YARS2: variants seen among roughly 807,000 people sequenced by gnomAD.
YARS2 encodes the protein tyrosyl-tRNA synthetase 2.
Under a neutral mutation model 45.0 loss-of-function variants are expected in YARS2, and 38 were observed. The observed-to-expected ratio is 0.84, with a 90% CI of 0.65 to 1.11. The LOEUF is 1.11. YARS2 is among the 50% of genes least tolerant of loss of function. YARS2 has a pLI of 0.00. For synonymous variants in YARS2, 287 were observed against 245.1 expected, an observed-to-expected ratio of 1.17 and a Z score of -1.60; for missense variants, 602 against 599.8, an observed-to-expected ratio of 1.00 and a Z score of -0.04.
Position 32,755,814 on chromosome 12 carries a change from A to C in YARS2, c.61T>G (p.Ser21Ala). The C allele has an allele frequency of 6.2e-7, 1 of 1,613,628 alleles. No homozygotes were observed. The highest frequency in any genetic ancestry group is 8.5e-7 in the Non-Finnish European group (1 of 1,180,016). The change falls in exon 1 of 5, where the codon TCA (serine) becomes GCA (alanine). Residue 21 changes from serine to alanine, a missense_variant. Ser to Ala is a moderately conservative substitution (Grantham distance 99). Transcript: ENST00000324868. Reference sequence around the variant, plus strand: ...CGCAGCCCCAAGGGCAACAATACTGAGAGATTTAGGGTACCAGACCACCGG... The same window carrying C: ...CGCAGCCCCAAGGGCAACAATACTGCGAGATTTAGGGTACCAGACCACCGG... Reference protein sequence around the residue: ...WGRWSGTLNLSVLLPLGLRKA... With the variant: ...WGRWSGTLNLAVLLPLGLRKA...
Position 32,755,659 on chromosome 12 carries a change from A to G in YARS2, c.216T>C (p.Phe72=). 1 of 1,614,228 alleles carries G rather than the reference A, an allele frequency of 6.2e-7. No individual in the cohort carries two copies. Among genetic ancestry groups the G allele is most frequent in the East Asian group, 2.2e-5 (1 of 44,872 alleles). The change falls in exon 1 of 5, where the codon TTT becomes TTC. Residue 72 remains phenylalanine (F), a synonymous_variant. Transcript: ENST00000324868. ...CGAAGCCACAGTAAATGGTTTGGGG[A>G]AAACTCGCCGTGCCACGGTCGAAGA... ...PELFDRGTAS[F]PQTIYCGFDP... is the part of the protein sequence containing the mutation.
At position 32,750,212 on chromosome 12, in the gene YARS2, T is replaced by A. The variant is rs190866316; in HGVS notation, c.1104-105A>T. The A allele has an allele frequency of 7.0e-5, 100 of 1,434,694 alleles. No individual in the cohort carries two copies. In the African/African-American group the frequency reaches 1.3e-3, roughly 19 times the overall value. 88.9% of individuals were successfully genotyped at this position (1,434,694 alleles called of 1,614,324 possible). ...AGTGTCCAAGTTCTAGACTAAAAGTTTTTTTTTGAGATGGAGTCTCGCTCT... is the reference window on the plus strand; with the variant it reads ...AGTGTCCAAGTTCTAGACTAAAAGTATTTTTTTGAGATGGAGTCTCGCTCT... On this transcript the variant is annotated intron_variant, in intron 3 of 4. Coordinates refer to ENST00000324868, the MANE Select transcript of YARS2 (RefSeq NM_001040436.3).
chr12:32,750,659 T>G (rs1955725987), intron 3 of YARS2, 60 bp downstream of exon 3: 1 of 1,602,650 alleles, frequency 6.2e-7, no homozygotes, highest in Non-Finnish European at 8.5e-7. Flanking sequence ...TACTCCTACT[T>G]TTCTCATGTC....
At chr12:32,752,081 CTA>C (rs879370416) in intron 2 of YARS2, among the ~76,000 whole-genome samples, 1 of 152,238 alleles carries the variant, frequency 6.6e-6, no homozygotes, top group South Asian at 2.1e-4. Flanking sequence ...GCTATGCTAT[CTA>C]TGTTTGTGCA....
chr12:32,746,956 G>C lies in YARS2; in HGVS notation c.*248C>G, dbSNP rs1015284114. On this transcript the variant is annotated 3_prime_UTR_variant, in exon 5 of 5. Transcript: ENST00000324868. ...CTTCTGAAGTATAATTTTAAAAAGA[G>C]ATTAACCCTGAAAATCATGGTTTTC... 4.5e-6 allele frequency: 2 copies of C among 448,024 alleles called. No homozygotes were observed. The highest frequency in any genetic ancestry group is 4.0e-5 in the African/African-American group (2 of 50,370). 27.8% of individuals were successfully genotyped at this position (448,024 alleles called of 1,614,324 possible).
intron 4 of YARS2, among the ~76,000 whole-genome samples, chr12:32,749,110 C>CTCATA (rs1490332008): frequency 3.1e-4 from 47 of 152,278 alleles, no homozygotes; most frequent in African/African-American, 1.1e-3. Flanking sequence ...AGTCTTATGA[C>CTCATA]GTTAGTAGGT....
chr12:32,747,034 A>G lies in YARS2; in HGVS notation c.*170T>C. On this transcript the variant is annotated 3_prime_UTR_variant, in exon 5 of 5. Coordinates refer to ENST00000324868, the MANE Select transcript of YARS2 (RefSeq NM_001040436.3). ...AAATAAAACATCCCATTATTAAACA[A>G]ATATTTATTAACCGGCCCATAAAAA... 1.6e-6 allele frequency: 1 copy of G among 628,238 alleles called. No individual in the cohort carries two copies. Among genetic ancestry groups the G allele is most frequent in the Non-Finnish European group, 2.7e-6 (1 of 366,824 alleles). 38.9% of individuals were successfully genotyped at this position (628,238 alleles called of 1,614,324 possible). A position where few individuals can be genotyped will look rare whatever the true frequency, so the allele number is the denominator to read the frequency against.
chr12:32,750,116 C>T lies in YARS2; in HGVS notation c.1104-9G>A. The stretch of plus-strand genomic sequence containing the variant: ...AAAGGGCTTGTGTACACCTGAAAAA[C>T]ACATTTTAAGAGCTACATCATATAA... On this transcript the variant is annotated splice_polypyrimidine_tract_variant and intron_variant, in intron 3 of 4. Coordinates refer to ENST00000324868, the MANE Select transcript of YARS2 (RefSeq NM_001040436.3). 2 of 1,613,924 alleles carry T rather than the reference C, an allele frequency of 1.2e-6. No homozygotes were observed. The highest frequency in any genetic ancestry group is 1.7e-6 in the Non-Finnish European group (2 of 1,179,960).
intron 2 of YARS2, among the ~76,000 whole-genome samples, 196 bp from the exon 3 acceptor site, chr12:32,751,070 T>A: frequency 6.9e-6 from 1 of 144,142 alleles, no homozygotes. Context: ...GTTTTCAATT[T>A]CTTTTTTTTT....
chr12:32,753,028 A>G (rs1955777938), intron 2 of YARS2, among the ~76,000 whole-genome samples: 1 of 151,782 alleles, frequency 6.6e-6, no homozygotes, highest in South Asian at 2.1e-4. Flanking sequence ...CAGAACTGGT[A>G]TCTTGGCCGG....
At chr12:32,754,942 C>T (rs1342981932) in intron 1 of YARS2, among the ~76,000 whole-genome samples, 154 bp downstream of exon 1, 1 of 152,046 alleles carries the variant, frequency 6.6e-6, no homozygotes, top group Non-Finnish European at 1.5e-5. Flanking sequence ...TCTTATTAGC[C>T]AGTGTTATTA....
chr12:32,754,625 C>T (rs1329354384), intron 1 of YARS2, among the ~76,000 whole-genome samples: 1 of 151,946 alleles, frequency 6.6e-6, no homozygotes, highest in African/African-American at 2.4e-5. Flanking sequence ...CTGGTATAAA[C>T]ACACAAAAGC....
intron 3 of YARS2, 60 bp downstream of exon 3, chr12:32,750,659 T>C: frequency 6.2e-7 from 1 of 1,602,650 alleles, no homozygotes; most frequent in African/African-American, 1.3e-5. Context: ...TACTCCTACT[T>C]TTCTCATGTC....
At chr12:32,750,527 T>C (rs572533168) in intron 3 of YARS2, among the ~76,000 whole-genome samples, 192 bp downstream of exon 3, 1 of 152,182 alleles carries the variant, frequency 6.6e-6, no homozygotes, top group Non-Finnish European at 1.5e-5. Context: ...TAAACATCTA[T>C]CTGGTATAAT....
chr12:32,746,727 G>T lies in YARS2; in HGVS notation c.*477C>A. 1 of 160,480 alleles carries T rather than the reference G, an allele frequency of 6.2e-6. No homozygotes were observed. Among genetic ancestry groups the T allele is most frequent in the Admixed American group, 6.2e-5 (1 of 16,186 alleles). 9.9% of individuals were successfully genotyped at this position (160,480 alleles called of 1,614,324 possible). ...TAATTTTTATATTTTCAGTAGAGAC[G>T]GGGTTTCGCCCTGTTGGCCAGGCTG... is the stretch of plus-strand genomic sequence containing the variant. On this transcript the variant is annotated 3_prime_UTR_variant, in exon 5 of 5. Coordinates refer to ENST00000324868, the MANE Select transcript of YARS2 (RefSeq NM_001040436.3).
chr12:32,755,601 G>C lies in YARS2; in HGVS notation c.274C>G (p.Leu92Val), dbSNP rs764784116. ...TGAAACAGGCCCAGCAGCGCAAGTAGATGACCCACATGAAGCGAGTCTGCC... is the reference window on the plus strand; with the variant it reads ...TGAAACAGGCCCAGCAGCGCAAGTACATGACCCACATGAAGCGAGTCTGCC... ...PTADSLHVGH[L>V]LALLGLFHLQ... The change falls in exon 1 of 5, where the codon CTA becomes GTA. Residue 92 changes from leucine to valine, a missense_variant. By Grantham distance (32) the Leu-to-Val change is conservative (BLOSUM62 1). Coordinates refer to ENST00000324868, the MANE Select transcript of YARS2 (RefSeq NM_001040436.3). The C allele has an allele frequency of 6.2e-7, 1 of 1,614,042 alleles. No homozygotes were observed. Among genetic ancestry groups the C allele is most frequent in the Admixed American group, 1.7e-5 (1 of 60,036 alleles).
intron 3 of YARS2, 44 bp from the exon 4 acceptor site, chr12:32,750,151 C>A: frequency 1.2e-6 from 2 of 1,608,976 alleles, no homozygotes; most frequent in South Asian, 1.1e-5. Context: ...AATGTTTATT[C>A]AAATACATGT....
At chr12:32,753,792 G>T in intron 2 of YARS2, 126 bp downstream of exon 2, 1 of 1,238,828 alleles carries the variant, frequency 8.1e-7, no homozygotes, top group Non-Finnish European at 1.2e-6. Context: ...ATGATGTAAT[G>T]GTTTATGTAC....
rs1049274174 is a variant in YARS2 at position 32,750,802 on chromosome 12, T to C, written c.1020A>G (p.Pro340=). 3 of 1,614,078 alleles carry C rather than the reference T, an allele frequency of 1.9e-6. No homozygotes were observed. The African/African-American group carries it at 4.0e-5, about 22-fold the overall frequency. ...GTCGTTTCTGAGGACCCCGCCTTTC[T>C]GGCTCTTTGACATGCAGCTGCATGA... ...DHIMQLHVKE[P]ERRGPQKRLA... is the part of the protein sequence containing the mutation. Residue 340 remains proline (P), a synonymous_variant, in exon 3 of 5, where the codon CCA becomes CCG. Transcript: ENST00000324868.
Sources: gnomAD v4.1 joint callset for allele counts (sites outside exome capture counted in the v4.1 genomes callset) on GRCh38, gnomAD v4.1.1 for gene constraint, MANE v1.5 for transcripts, NCBI Gene and HGNC (gene_info 2026-07-23, HGNC 2026-07-21) for gene names.